SLC6A7: variants seen among roughly 807,000 people sequenced by gnomAD.
SLC6A7 encodes sodium-dependent proline transporter.
SLC6A7 carries 58 observed loss-of-function variants against 73.1 expected under a neutral mutation model. That is an observed-to-expected ratio of 0.79 (90% CI 0.64 to 0.99). SLC6A7 has a LOEUF of 0.99. Ranked by LOEUF, SLC6A7 falls within the 50% of genes least tolerant of loss-of-function variation. The probability of loss-of-function intolerance (pLI) is 0.00; values close to 1 mark genes in which losing one functional copy is unlikely to be tolerated. For missense variants in SLC6A7, 783 were observed against 831.4 expected (o/e 0.94, Z 0.72); for synonymous variants, 338 against 338.7 (o/e 1.00, Z 0.02).
intron 13 of SLC6A7, 95 bp from the exon 14 acceptor site, chr5:150,209,311 A>C: frequency 9.8e-7 from 1 of 1,021,286 alleles, no homozygotes; most frequent in Non-Finnish European, 1.5e-6. Flanking sequence ...TCCCCCAGTG[A>C]TGTGGTCAGG....
intron 10 of SLC6A7, 81 bp from the exon 11 acceptor site, chr5:150,204,451 G>T: frequency 9.2e-7 from 1 of 1,090,140 alleles, no homozygotes; most frequent in Non-Finnish European, 1.4e-6. Flanking sequence ...GCTGCTTCCT[G>T]CTCACTTCTT....
At position 150,201,091 on chromosome 5, in the gene SLC6A7, G is replaced by A. The variant is rs1173561170; in HGVS notation, c.726G>A (p.Val242=). 6.2e-7 allele frequency: 1 copy of A among 1,613,632 alleles called. No homozygotes were observed. Among genetic ancestry groups the A allele is most frequent in the Non-Finnish European group, 8.5e-7 (1 of 1,179,730 alleles). The change falls in exon 6 of 14, where the codon GTG becomes GTA. Residue 242 remains valine (V), a splice_region_variant and synonymous_variant. Transcript: ENST00000230671. ...GCTCCTCACTTATCATCTCTCAGGT[G>A]GTGTATTTCACGGCCACGTTCCCCT... ...ILKGVKSSGK[V]VYFTATFPYL... is the part of the protein sequence containing the mutation.
Position 150,190,131 on chromosome 5 carries a change from G to T in SLC6A7, c.-197G>T. 2.1e-6 allele frequency: 1 copy of T among 482,118 alleles called. No homozygotes were observed. The highest frequency in any genetic ancestry group is 3.4e-5 in the South Asian group (1 of 29,278). 29.9% of individuals were successfully genotyped at this position (482,118 alleles called of 1,614,324 possible). On this transcript the variant is annotated 5_prime_UTR_variant, in exon 1 of 14. The change creates a new upstream start codon in the 5' untranslated region. Transcript: ENST00000230671. ...CTTCCCCAGCCTCGGGCGCTGCGCAGGGACAGACAAGGCATTCGCAGCGCC... is the reference window on the plus strand; with the variant it reads ...CTTCCCCAGCCTCGGGCGCTGCGCATGGACAGACAAGGCATTCGCAGCGCC...
chr5:150,196,952 G>A, intron 3 of SLC6A7, 90 bp from the exon 4 acceptor site: 1 of 1,528,736 alleles, frequency 6.5e-7, no homozygotes, highest in Non-Finnish European at 8.9e-7. Context: ...TGGAAGTGAA[G>A]CCCAGATAGC....
intron 8 of SLC6A7, among the ~76,000 whole-genome samples, chr5:150,203,117 G>C (rs1002081026): frequency 1.3e-5 from 2 of 151,870 alleles, no homozygotes; most frequent in African/African-American, 4.8e-5. Flanking sequence ...TCATGTGTGT[G>C]CATATGCACA....
At chr5:150,209,295 C>A in intron 13 of SLC6A7, 111 bp from the exon 14 acceptor site, 1 of 891,036 alleles carries the variant, frequency 1.1e-6, no homozygotes, top group Non-Finnish European at 1.8e-6. Flanking sequence ...GGGCTGTGGC[C>A]AGGACTCCCC....
intron 1 of SLC6A7, among the ~76,000 whole-genome samples, chr5:150,193,760 C>G (rs902625695): frequency 3.9e-5 from 6 of 152,188 alleles, no homozygotes. Context: ...GCCACCTGCC[C>G]TTTGGACATG....
In SLC6A7 at chr5:150,203,738, CTCT is replaced by C; in HGVS notation, c.1168_1170del (p.Phe390del). ...GCCTCTGTCACCCTTCTGGTCCTTT[CTCT>C]TCTTCTTCATGCTTCTGACTCTCGG... On this transcript the variant is annotated inframe_deletion, in exon 9 of 14. Coordinates refer to ENST00000230671, the MANE Select transcript of SLC6A7 (RefSeq NM_014228.5). The C allele has an allele frequency of 1.9e-6, 3 of 1,610,806 alleles. No individual in the cohort carries two copies. Among genetic ancestry groups the C allele is most frequent in the East Asian group, 2.2e-5 (1 of 44,836 alleles).
Position 150,209,568 on chromosome 5 carries a change from A to C in SLC6A7, c.1864A>C (p.Ile622Leu), listed in dbSNP as rs895234117. Residue 622 changes from isoleucine (I) to leucine (L), a missense_variant, in exon 14 of 14, where the codon ATC becomes CTC. Coordinates refer to ENST00000230671, the MANE Select transcript of SLC6A7 (RefSeq NM_014228.5). ...CATCACCAGCTTCGAGAACACGGCC[A>C]TCGAGGTGGACCGTGAGATTGCAGA... The part of the protein sequence containing the change: ...GGITSFENTA[I>L]EVDREIAEEE... 1 of 1,613,602 alleles carries C rather than the reference A, an allele frequency of 6.2e-7. No individual in the cohort carries two copies. Among genetic ancestry groups the C allele is most frequent in the African/African-American group, 1.3e-5 (1 of 74,946 alleles).
rs1166949661 is a variant in SLC6A7 at position 150,209,526 on chromosome 5, A to G, written c.1822A>G (p.Met608Val). 10 of 1,614,152 alleles carry G rather than the reference A, an allele frequency of 6.2e-6. No homozygotes were observed. The highest frequency in any genetic ancestry group is 5.0e-5 in the Admixed American group (3 of 60,032). Residue 608 changes from methionine to valine, a missense_variant, in exon 14 of 14, where the codon ATG becomes GTG. Physicochemically the swap from Met to Val is conservative, Grantham distance 21 (BLOSUM62 1). Transcript: ENST00000230671. ...GTCACCAAAGCCACTGATGGTGCAC[A>G]TGCGCAAGTACGGGGGCATCACCAG... ...SQSPKPLMVH[M>V]RKYGGITSFE...
At chr5:150,197,347 C>A in intron 4 of SLC6A7, 71 bp downstream of exon 4, 1 of 1,020,248 alleles carries the variant, frequency 9.8e-7, no homozygotes, top group Non-Finnish European at 1.5e-6. Context: ...AGGGCATCCC[C>A]CACAGTCTCA....
intron 2 of SLC6A7, among the ~76,000 whole-genome samples, chr5:150,195,718 A>G (rs553602130): frequency 6.6e-6 from 1 of 152,344 alleles, no homozygotes; most frequent in Admixed American, 6.5e-5. Flanking sequence ...AAGGAAGCAT[A>G]TATTGAGAAA....
intron 10 of SLC6A7, among the ~76,000 whole-genome samples, chr5:150,204,245 C>A (rs1443134426): frequency 6.6e-6 from 1 of 152,184 alleles, no homozygotes; most frequent in African/African-American, 2.4e-5. Context: ...TCTGCAAGAT[C>A]TGGGTTCAAA....
At chr5:150,209,361 C>A in intron 13 of SLC6A7, 45 bp from the exon 14 acceptor site, 3 of 1,516,522 alleles carry the variant, frequency 2.0e-6, no homozygotes, top group African/African-American at 1.4e-5. Context: ...CCTCCACCAG[C>A]GCTGCCTGTT....
intron 10 of SLC6A7, among the ~76,000 whole-genome samples, chr5:150,204,294 T>C (rs567949845): frequency 2.6e-5 from 4 of 152,168 alleles, no homozygotes; most frequent in African/African-American, 9.7e-5. Flanking sequence ...TCAGGATAAA[T>C]GATTTCCCCT....
rs1039707190 is a variant in SLC6A7 at position 150,209,653 on chromosome 5, C to T, written c.*38C>T. On this transcript the variant is annotated 3_prime_UTR_variant, in exon 14 of 14. Transcript: ENST00000230671. ...GCGGGCAGAAGGCCCTGCCCGGGAC[C>T]TCACAGTCCCTTCTTAGAAGCCTGC... is the stretch of plus-strand genomic sequence containing the variant. 1 of 1,462,296 alleles carries T rather than the reference C, an allele frequency of 6.8e-7. No homozygotes were observed. The highest frequency in any genetic ancestry group is 2.4e-5 in the East Asian group (1 of 40,986). 90.6% of individuals were successfully genotyped at this position (1,462,296 alleles called of 1,614,324 possible).
chr5:150,205,382 T>C (rs1580871066), intron 12 of SLC6A7, 74 bp from the exon 13 acceptor site: 1 of 1,290,376 alleles, frequency 7.7e-7, no homozygotes, highest in Non-Finnish European at 1.1e-6. Flanking sequence ...GGGCTGGCAC[T>C]AGGCTGGGCT....
At chr5:150,201,608 C>T (rs1480933609) in intron 6 of SLC6A7, among the ~76,000 whole-genome samples, 1 of 152,132 alleles carries the variant, frequency 6.6e-6, no homozygotes, top group Non-Finnish European at 1.5e-5. Context: ...ATCATGGAAA[C>T]ACTATCCTCA....
At position 150,202,412 on chromosome 5, in the gene SLC6A7, CT is replaced by C. The variant is rs1699691288; in HGVS notation, c.927del (p.Phe309LeufsTer51). On this transcript the variant is annotated frameshift_variant, in exon 7 of 14. Transcript: ENST00000230671. LOFTEE classifies it high-confidence loss of function. The stretch of plus-strand genomic sequence containing the variant: ...GTGTGGGCTTCGGGGGGCTCCTCAC[CT>C]TTGCCTCCTACAACACGTTTCACCA... ...LGVGFGGLLT[F>X]ASYNTFHQNI... The C allele has an allele frequency of 6.2e-7, 1 of 1,614,174 alleles. No individual in the cohort carries two copies. Among genetic ancestry groups the C allele is most frequent in the African/African-American group, 1.3e-5 (1 of 75,052 alleles).
Sources: gnomAD v4.1 joint callset for allele counts (sites outside exome capture counted in the v4.1 genomes callset) on GRCh38, gnomAD v4.1.1 for gene constraint, MANE v1.5 for transcripts, NCBI Gene and HGNC (gene_info 2026-07-23, HGNC 2026-07-21) for gene names.